The following BICD1 variants were observed in gnomAD, a reference collection of about 807,000 sequenced individuals.
BICD1 encodes the protein protein bicaudal D homolog 1.
Under a neutral mutation model 92.5 loss-of-function variants are expected in BICD1, and 35 were observed. The ratio of observed to expected loss-of-function variants is 0.38; its 90% CI spans 0.29 to 0.50. BICD1 has a LOEUF of 0.50. BICD1 is among the 20% of genes least tolerant of loss of function. The pLI, the probability that BICD1 is intolerant of heterozygous loss-of-function variation, is 0.93. For synonymous variants in BICD1, 429 were observed against 465.1 expected, an observed-to-expected ratio of 0.92 and a Z score of 1.00; for missense variants, 950 against 1,189.8, an observed-to-expected ratio of 0.80 and a Z score of 2.97.
chr12:32,254,960 G>A (rs1380966976), intron 2 of BICD1, among the ~76,000 whole-genome samples: 2 of 152,014 alleles, frequency 1.3e-5, no homozygotes, highest in African/African-American at 4.8e-5. Context: ...CAAGATCTTG[G>A]CCACTGTATT....
chr12:32,145,225 A>G (rs979273521), intron 1 of BICD1, among the ~76,000 whole-genome samples: 3 of 152,200 alleles, frequency 2.0e-5, no homozygotes, highest in African/African-American at 4.8e-5. Flanking sequence ...CATCCATTCC[A>G]TGCCCATAGC....
chr12:32,236,872 C>CTTTTTTTTTTTTTTT, intron 2 of BICD1, among the ~76,000 whole-genome samples: 1 of 89,320 alleles, frequency 1.1e-5, no homozygotes, highest in Non-Finnish European at 2.1e-5. Context: ...AAGTCTAATT[C>CTTTTTTTTTTTTTTT]TTTTTTTTTT....
rs1024285341 is a variant in BICD1 at position 32,107,142 on chromosome 12, C to T, written c.-190C>T. 3.1e-5 allele frequency: 19 copies of T among 616,252 alleles called. No homozygotes were observed. Among genetic ancestry groups the T allele is most frequent in the Non-Finnish European group, 4.8e-5 (17 of 351,746 alleles). The allele number at this position is 616,252 out of a possible 1,614,324, so 38.2% of individuals were successfully genotyped here. On this transcript the variant is annotated 5_prime_UTR_variant, in exon 1 of 10. Transcript: ENST00000652176. The stretch of plus-strand genomic sequence containing the variant: ...GCCCTGTTCTCCATGTTGCATTTCT[C>T]GTCAGTTTCTCGGGCGGTGTAGCTG...
intron 9 of BICD1, among the ~76,000 whole-genome samples, chr12:32,370,848 C>T (rs1280764151): frequency 1.3e-5 from 2 of 152,148 alleles, no homozygotes; most frequent in South Asian, 2.1e-4. Flanking sequence ...CTCTAATTTG[C>T]TGAAGAAAGC....
At chr12:32,355,397 G>A (rs914067918) in intron 8 of BICD1, among the ~76,000 whole-genome samples, 3 of 152,142 alleles carry the variant, frequency 2.0e-5, no homozygotes, top group African/African-American at 7.2e-5. Flanking sequence ...AGTGTTGTGG[G>A]GAATTGAAGA....
intron 2 of BICD1, among the ~76,000 whole-genome samples, chr12:32,230,457 A>C (rs535194488): frequency 3.5e-4 from 53 of 151,678 alleles, no homozygotes; most frequent in Non-Finnish European, 6.0e-4. Context: ...CAAGCAAATA[A>C]ATAAATAGGA....
At chr12:32,120,047 T>G (rs1202243192) in intron 1 of BICD1, among the ~76,000 whole-genome samples, 1 of 152,174 alleles carries the variant, frequency 6.6e-6, no homozygotes, top group Admixed American at 6.5e-5. Context: ...TAACTTTGAG[T>G]GCATTTAATT....
At chr12:32,212,009 C>A (rs11051853) in intron 1 of BICD1, among the ~76,000 whole-genome samples, 1 of 152,304 alleles carries the variant, frequency 6.6e-6, no homozygotes, top group East Asian at 1.9e-4. Context: ...ATCACCACAT[C>A]TGGAAATCTG....
chr12:32,351,895 C>T (rs554913938), intron 8 of BICD1, among the ~76,000 whole-genome samples: 1 of 141,672 alleles, frequency 7.1e-6, no homozygotes, highest in East Asian at 2.2e-4. Flanking sequence ...GACTACAGAG[C>T]GAGACTCTGT....
intron 4 of BICD1, among the ~76,000 whole-genome samples, chr12:32,309,009 G>A (rs962097923): frequency 3.3e-5 from 5 of 151,892 alleles, no homozygotes; most frequent in Non-Finnish European, 5.9e-5. Context: ...TGTAATCAGC[G>A]TTTTTAAAAA....
intron 1 of BICD1, among the ~76,000 whole-genome samples, chr12:32,114,955 C>T (rs1443889369): frequency 6.6e-6 from 1 of 152,060 alleles, no homozygotes; most frequent in African/African-American, 2.4e-5. Context: ...CTTTATCAAT[C>T]TTATTTAATC....
chr12:32,315,775 CTGTT>C (rs1336873311), intron 4 of BICD1, among the ~76,000 whole-genome samples: 1 of 152,042 alleles, frequency 6.6e-6, no homozygotes, highest in Non-Finnish European at 1.5e-5. Flanking sequence ...TACAACTGTT[CTGTT>C]TTTCATTTTC....
chr12:32,363,092 A>G (rs1939395266), intron 8 of BICD1, among the ~76,000 whole-genome samples: 1 of 152,126 alleles, frequency 6.6e-6, no homozygotes, highest in Admixed American at 6.6e-5. Flanking sequence ...TTGATTCAGC[A>G]AATATTTTCC....
chr12:32,147,575 A>G (rs1181908582), intron 1 of BICD1, among the ~76,000 whole-genome samples: 2 of 152,220 alleles, frequency 1.3e-5, no homozygotes, highest in African/African-American at 4.8e-5. Context: ...TAATTTTTTA[A>G]AAACATCTTC....
chr12:32,194,413 G>T (rs7972485), intron 1 of BICD1, among the ~76,000 whole-genome samples: 34,478 of 152,070 alleles, frequency 0.23, 4,011 homozygotes, highest in East Asian at 0.39. Context: ...AATAGTCTCT[G>T]TTTGCAGATG....
chr12:32,234,260 T>C (rs1327779857), intron 2 of BICD1, among the ~76,000 whole-genome samples: 1 of 152,152 alleles, frequency 6.6e-6, no homozygotes, highest in Admixed American at 6.5e-5. Flanking sequence ...TTTTTAGAAA[T>C]AGTTTTCTGA....
chr12:32,111,798 G>A (rs1393968544), intron 1 of BICD1, among the ~76,000 whole-genome samples: 1 of 151,306 alleles, frequency 6.6e-6, no homozygotes, highest in African/African-American at 2.4e-5. Flanking sequence ...TAGTAGAGAT[G>A]GGCTTTCACC....
At chr12:32,159,354 G>A (rs1314733684) in intron 1 of BICD1, among the ~76,000 whole-genome samples, 1 of 152,144 alleles carries the variant, frequency 6.6e-6, no homozygotes, top group African/African-American at 2.4e-5. Context: ...CATGCTGACA[G>A]CAAAAAGTGA....
chr12:32,111,231 C>T (rs886119278), intron 1 of BICD1, among the ~76,000 whole-genome samples: 1 of 152,214 alleles, frequency 6.6e-6, no homozygotes, highest in Admixed American at 6.5e-5. Flanking sequence ...TAGTTACCAG[C>T]TGCTGAAGAA....
Sources: gnomAD v4.1 joint callset for allele counts (sites outside exome capture counted in the v4.1 genomes callset) on GRCh38, gnomAD v4.1.1 for gene constraint, MANE v1.5 for transcripts, NCBI Gene and HGNC (gene_info 2026-07-23, HGNC 2026-07-21) for gene names.